DCAF13: variants seen among roughly 807,000 people sequenced by gnomAD.
The protein encoded by DCAF13 is DDB1- and CUL4-associated factor 13.
A neutral mutation model predicts 59.0 loss-of-function variants in DCAF13; 38 were observed. That is an observed-to-expected ratio of 0.64 (90% CI 0.50 to 0.84). The LOEUF is 0.84. DCAF13 is among the 40% of genes least tolerant of loss of function. The pLI is 0.00. For synonymous variants in DCAF13, 173 were observed against 175.0 expected, an observed-to-expected ratio of 0.99 and a Z score of 0.09; for missense variants, 469 against 558.4, an observed-to-expected ratio of 0.84 and a Z score of 1.61.
chr8:103,418,939 A>T (rs1168798595), intron 1 of DCAF13, among the ~76,000 whole-genome samples: 3 of 121,928 alleles, frequency 2.5e-5, no homozygotes, highest in African/African-American at 9.5e-5. Context: ...GCTGGAGTGC[A>T]GTGGCGCGAT....
At chr8:103,423,778 AAT>A (rs1196242269) in intron 3 of DCAF13, among the ~76,000 whole-genome samples, 5 of 152,212 alleles carry the variant, frequency 3.3e-5, no homozygotes, top group East Asian at 1.9e-4. Flanking sequence ...GTACATCATA[AAT>A]ATATATCTTT....
intron 1 of DCAF13, 104 bp from the exon 2 acceptor site, chr8:103,420,160 C>A: frequency 3.0e-6 from 3 of 1,015,610 alleles, no homozygotes; most frequent in African/African-American, 1.6e-5. Flanking sequence ...AGGCATAGAA[C>A]AATGTCACTA....
chr8:103,430,837 C>A, intron 6 of DCAF13, 148 bp downstream of exon 6: 1 of 501,612 alleles, frequency 2.0e-6, no homozygotes, highest in Non-Finnish European at 3.4e-6. Context: ...TGATGATAGT[C>A]ATGTTCTTTC....
At chr8:103,432,172 GT>G (rs1554569920) in intron 6 of DCAF13, among the ~76,000 whole-genome samples, 1 of 152,104 alleles carries the variant, frequency 6.6e-6, no homozygotes, top group Non-Finnish European at 1.5e-5. Flanking sequence ...GTAGTGGGAG[GT>G]CCCTGAGTGG....
intron 3 of DCAF13, among the ~76,000 whole-genome samples, chr8:103,424,674 A>C (rs73287956): frequency 7.2e-4 from 109 of 152,304 alleles, no homozygotes; most frequent in African/African-American, 2.5e-3. Flanking sequence ...TTCAGTCTTG[A>C]GCTTGCAGAC....
In DCAF13 at chr8:103,433,877, G is replaced by A. The variant is rs1253193760; in HGVS notation, c.785+1136G>A. 2.0e-5 allele frequency among the ~76,000 whole-genome samples: 3 copies of A among 151,806 alleles called. No individual in the cohort carries two copies. The East Asian group carries it at 5.8e-4, about 29-fold the overall frequency. ...TTTGAAATTAAGTGGCATTGTTCCA[G>A]TTAAAGGCAATAAAAGACAAGAGTA... On this transcript the variant is annotated intron_variant, in intron 7 of 10. Transcript: ENST00000612750.
chr8:103,441,781 C>A, intron 10 of DCAF13, 163 bp downstream of exon 10: 2 of 511,086 alleles, frequency 3.9e-6, no homozygotes, highest in Non-Finnish European at 6.4e-6. Flanking sequence ...TTTCTTTTTT[C>A]TTTTTTTTTT....
chr8:103,435,357 G>A lies in DCAF13; in HGVS notation c.786-269G>A, dbSNP rs188558596. On this transcript the variant is annotated intron_variant, in intron 7 of 10. Coordinates refer to ENST00000612750, the MANE Select transcript of DCAF13 (RefSeq NM_015420.7). ...GGTAGTAGAATTCAAGGTAATTTTT[G>A]TACTCTACTTTTTTTGAAATTTCCA... is the stretch of plus-strand genomic sequence containing the variant. Among the ~76,000 whole-genome samples, 364 of 152,140 alleles carry A rather than the reference G, an allele frequency of 2.4e-3. 2 individuals are homozygous for A. Among genetic ancestry groups the A allele is most frequent in the African/African-American group, 8.4e-3 (349 of 41,534 alleles).
chr8:103,437,407 A>G (rs1816947655), intron 8 of DCAF13, among the ~76,000 whole-genome samples: 1 of 152,222 alleles, frequency 6.6e-6, no homozygotes, highest in Non-Finnish European at 1.5e-5. Flanking sequence ...TATGATCCCA[A>G]GGGGCCAGCA....
Position 103,432,754 on chromosome 8 carries a change from C to G in DCAF13, c.785+13C>G. On this transcript the variant is annotated intron_variant, in intron 7 of 10. Transcript: ENST00000612750. Reference sequence around the variant, plus strand: ...ATGAAGATTATAAGTAAGTTTCCCTCTTTTAAAAACTTGTGTATTTCTATC... The same window carrying G: ...ATGAAGATTATAAGTAAGTTTCCCTGTTTTAAAAACTTGTGTATTTCTATC... The G allele has an allele frequency of 1.3e-6, 2 of 1,501,470 alleles. No individual in the cohort carries two copies. Among genetic ancestry groups the G allele is most frequent in the Non-Finnish European group, 1.8e-6 (2 of 1,081,962 alleles). The allele number at this position is 1,501,470 out of a possible 1,614,324, so 93.0% of individuals were successfully genotyped here.
intron 8 of DCAF13, 101 bp downstream of exon 8, chr8:103,435,891 A>T: frequency 8.0e-7 from 1 of 1,244,402 alleles, no homozygotes; most frequent in Middle Eastern, 1.9e-4. Context: ...TTGTGTGAAC[A>T]TCATCAGAGT....
At chr8:103,419,168 G>A (rs1244990376) in intron 1 of DCAF13, among the ~76,000 whole-genome samples, 3 of 151,932 alleles carry the variant, frequency 2.0e-5, no homozygotes, top group African/African-American at 4.8e-5. Flanking sequence ...ACAGGCGTGA[G>A]CCACCACGCC....
Position 103,418,866 on chromosome 8 carries a change from ATTTTTTTTTTTTTTTTTTTTTT to A in DCAF13, c.71-1384_71-1363del, listed in dbSNP as rs1159489554. Among the ~76,000 whole-genome samples, 31 of 38,428 alleles carry A rather than the reference ATTTTTTTTTTTTTTTTTTTTTT, an allele frequency of 8.1e-4. 2 individuals carry two copies. The highest frequency in any genetic ancestry group is 4.0e-3 in the South Asian group (5 of 1,242). The allele number at this position is 38,428 out of a possible 152,430, so 25.2% of individuals were successfully genotyped here. A position where few individuals can be genotyped will look rare whatever the true frequency, so the allele number is the denominator to read the frequency against. ...TATATATATATATATATATATATAT[ATTTTTTTTTTTTTTTTTTTTTT>A]TTTTTTTTTTTTTGAGATGAAGTCA... On this transcript the variant is annotated intron_variant, in intron 1 of 10. Transcript: ENST00000612750.
At chr8:103,428,394 T>G (rs1431787495) in intron 5 of DCAF13, 2 of 152,274 alleles carry the variant, frequency 1.3e-5, no homozygotes, top group African/African-American at 4.8e-5. Flanking sequence ...TGTCTGTAGC[T>G]GCTTTCGTGC....
intron 1 of DCAF13, among the ~76,000 whole-genome samples, chr8:103,418,840 A>ATG (rs1816666595): frequency 7.5e-5 from 1 of 13,378 alleles, no homozygotes; most frequent in Admixed American, 9.0e-4. Context: ...ATATATATAT[A>ATG]TATATATATA....
chr8:103,433,634 C>T (rs571564019), intron 7 of DCAF13, among the ~76,000 whole-genome samples: 14 of 151,912 alleles, frequency 9.2e-5, no homozygotes, highest in Non-Finnish European at 1.8e-4. Flanking sequence ...TTTAGTGGTA[C>T]CAACTAAAAG....
chr8:103,421,470 T>G (rs1216877239), intron 3 of DCAF13, among the ~76,000 whole-genome samples: 2 of 152,200 alleles, frequency 1.3e-5, no homozygotes, highest in Non-Finnish European at 2.9e-5. Flanking sequence ...CTCTCTGTTT[T>G]TAAATATACA....
intron 5 of DCAF13, chr8:103,429,374 G>T (rs771316264): frequency 6.6e-6 from 1 of 152,136 alleles, no homozygotes; most frequent in Admixed American, 6.5e-5. Flanking sequence ...TTTGAATTGC[G>T]TACAGACAGT....
At chr8:103,428,212 A>C (rs1472051299) in intron 5 of DCAF13, 2 of 152,110 alleles carry the variant, frequency 1.3e-5, no homozygotes, top group African/African-American at 4.8e-5. Context: ...AATTACTGAG[A>C]AGTCAGAGGA....
Sources: allele counts gnomAD v4.1 joint callset (sites outside exome capture counted in the v4.1 genomes callset), GRCh38; gene constraint gnomAD v4.1.1; transcripts MANE v1.5; gene names NCBI Gene and HGNC (gene_info 2026-07-23, HGNC 2026-07-21).